Variants in TCF12 observed in about 807,000 individuals in gnomAD.
TCF12 encodes DNA-binding protein HTF4.
TCF12 carries 45 observed loss-of-function variants against 86.0 expected under a neutral mutation model. That is an observed-to-expected ratio of 0.52 (90% CI 0.41 to 0.67). The LOEUF (loss-of-function observed/expected upper bound fraction) is 0.67, where lower values mean the gene tolerates loss of function less well. Among genes scored for constraint, TCF12 ranks in the 30% least tolerant of loss-of-function variants. The pLI is 0.00. For missense variants in TCF12, 881 were observed against 859.9 expected (o/e 1.02, Z -0.31); for synonymous variants, 330 against 299.6 (o/e 1.10, Z -1.05).
intron 3 of TCF12, among the ~76,000 whole-genome samples, chr15:56,973,230 G>A (rs193176671): frequency 1.3e-5 from 2 of 152,102 alleles, no homozygotes; most frequent in Non-Finnish European, 2.9e-5. Context: ...TGAGACAGGT[G>A]TGTACATATA....
chr15:57,276,065 G>A lies in TCF12; in HGVS notation c.1978+2803G>A, dbSNP rs117769663. Among the ~76,000 whole-genome samples, 754 of 152,306 alleles carry A rather than the reference G, an allele frequency of 5.0e-3. 2 individuals are homozygous for A. The highest frequency in any genetic ancestry group is 0.024 in the Middle Eastern group (7 of 294). On this transcript the variant is annotated intron_variant, in intron 19 of 20. Coordinates refer to ENST00000333725, the MANE Select transcript of TCF12 (RefSeq NM_207037.2). ...AGTTTGTACTCTCAGCGTTACTCAA[G>A]ACTCAGTGGTTAAACATTTCCTCCT...
At chr15:57,047,668 A>C (rs1047898867) in intron 3 of TCF12, among the ~76,000 whole-genome samples, 4 of 152,214 alleles carry the variant, frequency 2.6e-5, no homozygotes, top group African/African-American at 9.7e-5. Flanking sequence ...AAATTTTATA[A>C]AGAAAATATT....
At chr15:57,229,724 C>T (rs1176447560) in intron 8 of TCF12, among the ~76,000 whole-genome samples, 1 of 151,812 alleles carries the variant, frequency 6.6e-6, no homozygotes, top group Non-Finnish European at 1.5e-5. Flanking sequence ...AACTTATTGC[C>T]TGCATACTTC....
chr15:57,190,355 G>C (rs1326940217), intron 6 of TCF12, among the ~76,000 whole-genome samples: 1 of 152,184 alleles, frequency 6.6e-6, no homozygotes, highest in East Asian at 1.9e-4. Context: ...CTGTTCCAAA[G>C]CTCTGCTCCT....
chr15:56,990,208 C>T (rs1404276447), intron 3 of TCF12, among the ~76,000 whole-genome samples: 2 of 124,886 alleles, frequency 1.6e-5, no homozygotes, highest in Non-Finnish European at 1.6e-5. Context: ...ATGTGAAAAG[C>T]TTTTCCAGTT....
intron 8 of TCF12, among the ~76,000 whole-genome samples, chr15:57,225,808 AT>A (rs1350593686): frequency 6.6e-6 from 1 of 152,058 alleles, no homozygotes; most frequent in African/African-American, 2.4e-5. Context: ...GGTTGTATAT[AT>A]TGCTACGTGT....
intron 3 of TCF12, among the ~76,000 whole-genome samples, chr15:57,022,415 C>T (rs1415565651): frequency 4.6e-5 from 7 of 152,114 alleles, no homozygotes; most frequent in South Asian, 2.1e-4. Context: ...TTTATGGCTG[C>T]GTAGTATTCC....
At chr15:57,136,601 A>G (rs1267952410) in intron 5 of TCF12, among the ~76,000 whole-genome samples, 2 of 103,280 alleles carry the variant, frequency 1.9e-5, no homozygotes, top group Non-Finnish European at 5.1e-5. Context: ...CTTACCCTCA[A>G]AGAAACAATA....
chr15:57,061,794 A>G (rs2068476972), intron 3 of TCF12, among the ~76,000 whole-genome samples: 1 of 152,186 alleles, frequency 6.6e-6, no homozygotes, highest in Non-Finnish European at 1.5e-5. Context: ...ATAAAATTAT[A>G]TGCAGTTCCA....
chr15:57,154,401 C>G (rs948308400), intron 5 of TCF12, among the ~76,000 whole-genome samples: 5 of 152,138 alleles, frequency 3.3e-5, no homozygotes, highest in African/African-American at 1.2e-4. Context: ...AACTTGGGAC[C>G]ATCAGACCCA....
intron 7 of TCF12, among the ~76,000 whole-genome samples, chr15:57,196,751 CAAGTT>C (rs1475381076): frequency 9.9e-5 from 15 of 152,170 alleles, no homozygotes; most frequent in African/African-American, 3.6e-4. Context: ...CTTTCTCTGT[CAAGTT>C]ATTTCCTGGA....
At chr15:57,219,483 T>C (rs1222513378) in intron 8 of TCF12, 2 of 1,601,380 alleles carry the variant, frequency 1.2e-6, no homozygotes, top group African/African-American at 2.7e-5. Context: ...AGAGAGGCTG[T>C]GTGCATTAGC....
chr15:57,084,442 G>A (rs912053142), intron 4 of TCF12, among the ~76,000 whole-genome samples: 1 of 152,276 alleles, frequency 6.6e-6, no homozygotes, highest in East Asian at 1.9e-4. Flanking sequence ...GTTTTACAAT[G>A]TACCGGGTCC....
chr15:57,044,723 A>G (rs1202582720), intron 3 of TCF12, among the ~76,000 whole-genome samples: 1 of 151,660 alleles, frequency 6.6e-6, no homozygotes. Context: ...TTTTTTTTAT[A>G]AGACTGTGTT....
At chr15:57,248,576 GGAGA>G (rs2059967786) in intron 13 of TCF12, among the ~76,000 whole-genome samples, 2 of 148,116 alleles carry the variant, frequency 1.4e-5, no homozygotes, top group Admixed American at 6.6e-5. Flanking sequence ...AAAATAATAA[GGAGA>G]GAAAGAGAAA....
chr15:57,026,438 A>G (rs1417411818), intron 3 of TCF12, among the ~76,000 whole-genome samples: 1 of 152,216 alleles, frequency 6.6e-6, no homozygotes, highest in Non-Finnish European at 1.5e-5. Flanking sequence ...GCAGTCCAGC[A>G]TGCTGTTGGT....
intron 8 of TCF12, among the ~76,000 whole-genome samples, chr15:57,205,952 T>C (rs890517483): frequency 6.6e-6 from 1 of 152,252 alleles, no homozygotes; most frequent in Admixed American, 6.5e-5. Flanking sequence ...TGTTATTTTC[T>C]GACTTCTCTA....
intron 8 of TCF12, among the ~76,000 whole-genome samples, chr15:57,229,544 T>C (rs139835750): frequency 6.6e-6 from 1 of 151,956 alleles, no homozygotes; most frequent in Non-Finnish European, 1.5e-5. Flanking sequence ...TTATCAGGAC[T>C]AGCACGAAGA....
chr15:57,240,617 C>T (rs541144586), intron 12 of TCF12, among the ~76,000 whole-genome samples: 4 of 152,188 alleles, frequency 2.6e-5, no homozygotes, highest in Non-Finnish European at 5.9e-5. Context: ...TTCAATGGCT[C>T]ACGCCTGTAA....
Sources: gnomAD v4.1 joint callset for allele counts (sites outside exome capture counted in the v4.1 genomes callset) on GRCh38, gnomAD v4.1.1 for gene constraint, MANE v1.5 for transcripts, NCBI Gene and HGNC (gene_info 2026-07-23, HGNC 2026-07-21) for gene names.